Variants in HTT observed in about 807,000 individuals in gnomAD.
HTT encodes the protein huntington disease protein.
HTT carries 104 observed loss-of-function variants against 362.3 expected under a neutral mutation model. That is an observed-to-expected ratio of 0.29 (90% CI 0.24 to 0.34). HTT has a LOEUF of 0.34. Among genes scored for constraint, HTT ranks in the 10% least tolerant of loss-of-function variants. The pLI is 1.00. For missense variants in HTT, 3,301 were observed against 3,928.6 expected, an observed-to-expected ratio of 0.84 and a Z score of 4.27; for synonymous variants, 1,577 against 1,548.7, an observed-to-expected ratio of 1.02 and a Z score of -0.43.
intron 29 of HTT, among the ~76,000 whole-genome samples, chr4:3,169,636 C>A (rs1185028910): frequency 6.6e-6 from 1 of 151,522 alleles, no homozygotes; most frequent in Non-Finnish European, 1.5e-5. Flanking sequence ...TTTAGTGGTG[C>A]GATATCAGCT....
chr4:3,225,102 G>A (rs1327484039), intron 56 of HTT, among the ~76,000 whole-genome samples: 3 of 152,062 alleles, frequency 2.0e-5, no homozygotes, highest in Non-Finnish European at 2.9e-5. Context: ...GCTGGTGCCC[G>A]GGAATTGGGG....
chr4:3,130,537 C>A, intron 14 of HTT, 114 bp downstream of exon 14: 1 of 607,772 alleles, frequency 1.6e-6, no homozygotes, highest in South Asian at 2.5e-5. Context: ...TTTAAATTTC[C>A]CCTTTAAATA....
intron 51 of HTT, 54 bp downstream of exon 51, chr4:3,215,265 A>G (rs1373310470): frequency 7.3e-7 from 1 of 1,378,682 alleles, no homozygotes; most frequent in South Asian, 1.2e-5. Flanking sequence ...GGACTTAAAA[A>G]TCATTCACAG....
chr4:3,131,436 A>G (rs757169242), intron 15 of HTT, 39 bp downstream of exon 15: 3 of 1,546,908 alleles, frequency 1.9e-6, no homozygotes, highest in Admixed American at 1.7e-5. Flanking sequence ...GAAGGAAATA[A>G]CTAGGTTTCA....
At position 3,212,723 on chromosome 4, in the gene HTT, C is replaced by T. The variant is rs771357173; in HGVS notation, c.6774+14C>T. 36 of 1,613,834 alleles carry T rather than the reference C, an allele frequency of 2.2e-5. No individual in the cohort carries two copies. Among genetic ancestry groups the T allele is most frequent in the Non-Finnish European group, 2.6e-5 (31 of 1,179,932 alleles). On this transcript the variant is annotated intron_variant, in intron 49 of 66. Coordinates refer to ENST00000355072, the MANE Select transcript of HTT (RefSeq NM_001388492.1). ...GCAACCCTTGAGGTAAGAGGCAGCTCGGGAGCTCAGTGTTGCTGTGGGGAG... is the reference window on the plus strand; with the variant it reads ...GCAACCCTTGAGGTAAGAGGCAGCTTGGGAGCTCAGTGTTGCTGTGGGGAG...
Position 3,180,370 on chromosome 4 carries a change from A to G in HTT, c.4613-145A>G, listed in dbSNP as rs140534495. 1.0e-4 allele frequency: 58 copies of G among 570,138 alleles called. No homozygotes were observed. In the African/African-American group the frequency reaches 1.0e-3, roughly 10 times the overall value. 35.3% of individuals were successfully genotyped at this position (570,138 alleles called of 1,614,324 possible). On this transcript the variant is annotated intron_variant, in intron 35 of 66. Transcript: ENST00000355072. ...GACCTTCCACATGGTATAATGATTG[A>G]TAACCTTAATTCATCTCTTACCATA...
intron 53 of HTT, 149 bp from the exon 54 acceptor site, chr4:3,222,238 G>T (rs899236231): frequency 6.6e-6 from 4 of 606,262 alleles, no homozygotes; most frequent in East Asian, 2.8e-5. Flanking sequence ...AGTGTTCCCC[G>T]CATCATAGAA....
At chr4:3,092,013 T>G (rs1390564121) in intron 2 of HTT, among the ~76,000 whole-genome samples, 2 of 152,100 alleles carry the variant, frequency 1.3e-5, no homozygotes, top group East Asian at 3.9e-4. Flanking sequence ...ATTGAAAATT[T>G]AAGATATATT....
intron 2 of HTT, among the ~76,000 whole-genome samples, chr4:3,098,365 AAG>A (rs1713972085): frequency 6.6e-6 from 1 of 152,244 alleles, no homozygotes; most frequent in Admixed American, 6.5e-5. Flanking sequence ...GATAAAGAGA[AAG>A]AGACATTTGG....
intron 6 of HTT, among the ~76,000 whole-genome samples, chr4:3,112,065 C>T (rs539631994): frequency 2.4e-4 from 37 of 152,268 alleles, no homozygotes; most frequent in Admixed American, 1.7e-3. Context: ...TGTTGACACC[C>T]GTAGTCTGCT....
Position 3,148,099 on chromosome 4 carries a change from G to A in HTT, c.3390G>A (p.Gly1130=). ...AAGAGGAGGTCTGGCCAGCCCTGGG[G>A]GACCGGGCCCTGGTGCCCATGGTGG... ...TKQEEVWPAL[G]DRALVPMVEQ... Residue 1130 remains glycine (G), a synonymous_variant, in exon 26 of 67, where the codon GGG becomes GGA. Transcript: ENST00000355072. 1 of 1,614,134 alleles carries A rather than the reference G, an allele frequency of 6.2e-7. No homozygotes were observed. Among genetic ancestry groups the A allele is most frequent in the Non-Finnish European group, 8.5e-7 (1 of 1,180,008 alleles).
In HTT at chr4:3,081,550, CTTTTTTTTTTTTTT is replaced by C. The variant is rs770325842; in HGVS notation, c.264-5377_264-5364del. ...ATAGGACCACATTTGGAAAGCATTT[CTTTTTTTTTTTTTT>C]TTTTTTTTTTTGAGACGGAGTTTCA... On this transcript the variant is annotated intron_variant, in intron 1 of 66. Transcript: ENST00000355072. 4.7e-5 allele frequency among the ~76,000 whole-genome samples: 4 copies of C among 84,526 alleles called. No homozygotes were observed. The South Asian group carries it at 1.3e-3, about 28-fold the overall frequency. The allele number at this position is 84,526 out of a possible 152,430, so 55.5% of individuals were successfully genotyped here. A position where few individuals can be genotyped will look rare whatever the true frequency, so the allele number is the denominator to read the frequency against.
At chr4:3,138,371 GT>G (rs1560564898) in intron 21 of HTT, among the ~76,000 whole-genome samples, 1 of 152,046 alleles carries the variant, frequency 6.6e-6, no homozygotes, top group African/African-American at 2.4e-5. Flanking sequence ...CCAATATGTA[GT>G]TTTTTGTCCC....
rs1160423968 is a variant in HTT at position 3,242,370 on chromosome 4, C to A, written c.*2311C>A. 1 of 152,188 alleles carries A rather than the reference C, an allele frequency of 6.6e-6. No individual in the cohort carries two copies. Among genetic ancestry groups the A allele is most frequent in the Non-Finnish European group, 1.5e-5 (1 of 68,052 alleles). The allele number at this position is 152,188 out of a possible 1,614,324, so 9.4% of individuals were successfully genotyped here. ...ATGAGCTCATTAGTAAAAATGACTT[C>A]ACCCACGCATATACATAAAGTATCC... On this transcript the variant is annotated 3_prime_UTR_variant, in exon 67 of 67. Transcript: ENST00000355072.
At chr4:3,179,774 G>A (rs1442116916) in intron 35 of HTT, among the ~76,000 whole-genome samples, 1 of 148,372 alleles carries the variant, frequency 6.7e-6, no homozygotes, top group Non-Finnish European at 1.5e-5. Context: ...GAGCGTATGT[G>A]TCACTGAGGG....
intron 28 of HTT, 53 bp downstream of exon 28, chr4:3,157,252 A>T: frequency 2.0e-6 from 3 of 1,492,758 alleles, no homozygotes; most frequent in Non-Finnish European, 2.8e-6. Context: ...CTTACGTCTA[A>T]TGGATAGTTG....
At position 3,075,066 on chromosome 4, in the gene HTT, G is replaced by C; in HGVS notation, c.241G>C (p.Ala81Pro). Residue 81 changes from alanine (A) to proline (P), a missense_variant, in exon 1 of 67, where the codon GCT becomes CCT. By Grantham distance (27) the Ala-to-Pro change is conservative (BLOSUM62 -1). Around this residue, in one of 4 missense-constraint regions of HTT, gnomAD observed 2,316 missense variants for 2,658.5 expected, o/e 0.87. Coordinates refer to ENST00000355072, the MANE Select transcript of HTT (RefSeq NM_001388492.1). ...CCCGCCGCCACCCGGCCCGGCTGTGGCTGAGGAGCCGCTGCACCGACCGTG... is the reference window on the plus strand; with the variant it reads ...CCCGCCGCCACCCGGCCCGGCTGTGCCTGAGGAGCCGCTGCACCGACCGTG... ...PPPPPPGPAV[A>P]EEPLHRPKKE... 1 of 1,247,966 alleles carries C rather than the reference G, an allele frequency of 8.0e-7. No homozygotes were observed. The highest frequency in any genetic ancestry group is 1.0e-6 in the Non-Finnish European group (1 of 1,002,544). 77.3% of individuals were successfully genotyped at this position (1,247,966 alleles called of 1,614,324 possible). A position where few individuals can be genotyped will look rare whatever the true frequency, so the allele number is the denominator to read the frequency against.
At position 3,228,707 on chromosome 4, in the gene HTT, T is replaced by C; in HGVS notation, c.7941T>C (p.Pro2647=). 6.2e-7 allele frequency: 1 copy of C among 1,607,998 alleles called. No individual in the cohort carries two copies. The highest frequency in any genetic ancestry group is 1.3e-5 in the African/African-American group (1 of 74,868). ...AAGAGGAGGAGGAGGCCGACGCCCCTGCACCTTCGTCACCACCCACGTCTC... is the reference window on the plus strand; with the variant it reads ...AAGAGGAGGAGGAGGCCGACGCCCCCGCACCTTCGTCACCACCCACGTCTC... ...DEEEEEEADA[P]APSSPPTSPV... Residue 2647 remains proline (P), a synonymous_variant, in exon 58 of 67, where the codon CCT becomes CCC. Transcript: ENST00000355072. This position sits in a 1 kb window ranked among gnomAD's most constrained non-coding sequence, Gnocchi z 4.3.
chr4:3,115,516 C>T (rs2110171642), intron 7 of HTT, 71 bp downstream of exon 7: 2 of 1,224,312 alleles, frequency 1.6e-6, no homozygotes, highest in Non-Finnish European at 2.4e-6. Flanking sequence ...ATAAATAAAA[C>T]CAGATGATCC....
Sources: allele counts gnomAD v4.1 joint callset (sites outside exome capture counted in the v4.1 genomes callset), GRCh38; gene constraint gnomAD v4.1.1; regional missense constraint gnomAD v4.1.1; non-coding constraint Gnocchi (gnomAD v3.1); transcripts MANE v1.5; gene names NCBI Gene and HGNC (gene_info 2026-07-23, HGNC 2026-07-21).